The following BCAS3 variants were observed in gnomAD, a reference collection of about 807,000 sequenced individuals.
BCAS3 encodes BCAS3 microtubule associated cell migration factor.
Under a neutral mutation model 116.1 loss-of-function variants are expected in BCAS3, and 53 were observed. That is an observed-to-expected ratio of 0.46 (90% CI 0.37 to 0.57). The LOEUF (loss-of-function observed/expected upper bound fraction) is 0.57, where lower values mean the gene tolerates loss of function less well. Among genes scored for constraint, BCAS3 ranks in the 20% least tolerant of loss-of-function variants. The pLI is 0.00. For missense variants in BCAS3, 917 were observed against 1,165.4 expected (o/e 0.79, Z 3.10); for synonymous variants, 391 against 408.2 (o/e 0.96, Z 0.51).
chr17:61,119,642 A>T (rs1038187306), intron 22 of BCAS3, among the ~76,000 whole-genome samples: 1 of 152,048 alleles, frequency 6.6e-6, no homozygotes, highest in Admixed American at 6.6e-5. Flanking sequence ...TAAAACCATT[A>T]TACAATTACT....
chr17:60,816,693 T>A (rs1488733095), intron 7 of BCAS3, among the ~76,000 whole-genome samples: 1 of 152,152 alleles, frequency 6.6e-6, no homozygotes, highest in East Asian at 1.9e-4. Context: ...ACATTTTATT[T>A]GAGAATGTAC....
chr17:61,022,664 T>A (rs2065961116), intron 16 of BCAS3, among the ~76,000 whole-genome samples: 1 of 152,206 alleles, frequency 6.6e-6, no homozygotes, highest in African/African-American at 2.4e-5. Flanking sequence ...AATGTTTTTT[T>A]CCTAATGAAA....
intron 22 of BCAS3, among the ~76,000 whole-genome samples, chr17:61,351,948 G>C (rs979219255): frequency 3.3e-5 from 5 of 152,208 alleles, no homozygotes; most frequent in Non-Finnish European, 7.3e-5. Context: ...TTTAGAGGGA[G>C]GCCTGGAAAG....
At position 61,180,672 on chromosome 17, in the gene BCAS3, C is replaced by A. The variant is rs141106012; in HGVS notation, c.2425+96108C>A. ...GCTACCTGTCTGAGGAGCATCAGTC[C>A]CATGCTTCGTGTCTGCACAGTGGAA... On this transcript the variant is annotated intron_variant, in intron 22 of 23. Transcript: ENST00000407086. This position sits in a 1 kb window ranked among gnomAD's most constrained non-coding sequence, Gnocchi z 6.0. Among the ~76,000 whole-genome samples, 58 of 152,304 alleles carry A rather than the reference C, an allele frequency of 3.8e-4. No individual in the cohort carries two copies. Among genetic ancestry groups the A allele is most frequent in the African/African-American group, 1.3e-3 (55 of 41,558 alleles).
chr17:61,266,627 C>T (rs1322286909), intron 22 of BCAS3, among the ~76,000 whole-genome samples: 1 of 152,182 alleles, frequency 6.6e-6, no homozygotes, highest in Non-Finnish European at 1.5e-5. Flanking sequence ...GCTGACCTTA[C>T]ATGTAGGTAC....
chr17:60,884,028 T>C (rs2056417043), intron 9 of BCAS3, among the ~76,000 whole-genome samples: 2 of 63,366 alleles, frequency 3.2e-5, no homozygotes, highest in East Asian at 5.2e-4. Context: ...GTACCAGTTC[T>C]TCCTTGTACC....
chr17:60,761,462 T>A (rs2043523690), intron 6 of BCAS3, among the ~76,000 whole-genome samples: 1 of 151,882 alleles, frequency 6.6e-6, no homozygotes, highest in Non-Finnish European at 1.5e-5. Flanking sequence ...CAGTGTTTGG[T>A]TTTCTGTCCT....
rs1439303487 is a variant in BCAS3, at chr17:61,364,703, G to A, written c.2426-3624G>A. 6.6e-6 allele frequency among the ~76,000 whole-genome samples: 1 copy of A among 152,088 alleles called. No homozygotes were observed. The highest frequency in any genetic ancestry group is 1.5e-5 in the Non-Finnish European group (1 of 68,026). On this transcript the variant is annotated intron_variant, in intron 22 of 23. Coordinates refer to ENST00000407086, the MANE Select transcript of BCAS3 (RefSeq NM_017679.5). This position sits in a 1 kb window ranked among gnomAD's most constrained non-coding sequence, Gnocchi z 5.4. The stretch of plus-strand genomic sequence containing the variant: ...GGTCTGGGCAAAAGAGTGAGACCCC[G>A]TCTCAAAACAAAACAAAACAAAACA...
In BCAS3 at chr17:61,307,775, A is replaced by T. The variant is rs1161052845; in HGVS notation, c.2426-60552A>T. On this transcript the variant is annotated intron_variant, in intron 22 of 23. Coordinates refer to ENST00000407086, the MANE Select transcript of BCAS3 (RefSeq NM_017679.5). This position sits in a 1 kb window ranked among gnomAD's most constrained non-coding sequence, Gnocchi z 4.7. Reference sequence around the variant, plus strand: ...TTCAAGAAATAATCAAGTTAAGTGTATTTAATTCATACTTTTAATTCATTT... The same window carrying T: ...TTCAAGAAATAATCAAGTTAAGTGTTTTTAATTCATACTTTTAATTCATTT... Among the ~76,000 whole-genome samples, 1 of 152,202 alleles carries T rather than the reference A, an allele frequency of 6.6e-6. No homozygotes were observed. Among genetic ancestry groups the T allele is most frequent in the East Asian group, 1.9e-4 (1 of 5,202 alleles).
chr17:60,719,452 C>T (rs536340081), intron 5 of BCAS3, among the ~76,000 whole-genome samples: 13 of 152,268 alleles, frequency 8.5e-5, no homozygotes, highest in Admixed American at 2.6e-4. Flanking sequence ...ATCAAGACAT[C>T]CAGTTGGAGA....
intron 23 of BCAS3, chr17:61,382,702 G>A (rs780742472): frequency 1.3e-5 from 2 of 151,880 alleles, no homozygotes; most frequent in African/African-American, 2.4e-5. Flanking sequence ...CTCTCATAAA[G>A]CCTGTACCAC....
intron 22 of BCAS3, among the ~76,000 whole-genome samples, chr17:61,183,423 T>C (rs1348704883): frequency 6.6e-6 from 1 of 151,950 alleles, no homozygotes; most frequent in African/African-American, 2.4e-5. Context: ...CAATGTAATA[T>C]ATTTTTAATT....
At position 61,348,734 on chromosome 17, in the gene BCAS3, C is replaced by T. The variant is rs1258527563; in HGVS notation, c.2426-19593C>T. Among the ~76,000 whole-genome samples the T allele has an allele frequency of 6.7e-6, 1 of 149,684 alleles. No homozygotes were observed. Among genetic ancestry groups the T allele is most frequent in the Non-Finnish European group, 1.5e-5 (1 of 67,662 alleles). ...TGGGAGGACAGTCACGTGCTTCTTG[C>T]AACCTCTTGGGCAGAGATTCTTTTT... On this transcript the variant is annotated intron_variant, in intron 22 of 23. Transcript: ENST00000407086. This position sits in a 1 kb window ranked among gnomAD's most constrained non-coding sequence, Gnocchi z 4.5.
At chr17:61,060,292 A>G (rs1407192232) in intron 19 of BCAS3, among the ~76,000 whole-genome samples, 1 of 149,508 alleles carries the variant, frequency 6.7e-6, no homozygotes, top group Non-Finnish European at 1.5e-5. Flanking sequence ...ACACCCGGCT[A>G]ATTTTTTTTT....
In BCAS3 at chr17:61,071,702, A is replaced by T. The variant is rs149416937; in HGVS notation, c.2030-3218A>T. Among the ~76,000 whole-genome samples the T allele has an allele frequency of 9.7e-4, 148 of 152,330 alleles. 7 individuals carry two copies. In the South Asian group the frequency reaches 0.03, roughly 31 times the overall value. On this transcript the variant is annotated intron_variant, in intron 19 of 23. Transcript: ENST00000407086. ...ATCCAATACTAAATATAATAGGAAG[A>T]CCAACAGATTTTAATAAATATATTA...
At position 61,156,123 on chromosome 17, in the gene BCAS3, C is replaced by T. The variant is rs985865422; in HGVS notation, c.2425+71559C>T. Among the ~76,000 whole-genome samples, 5 of 150,610 alleles carry T rather than the reference C, an allele frequency of 3.3e-5. No individual in the cohort carries two copies. The highest frequency in any genetic ancestry group is 7.4e-5 in the African/African-American group (3 of 40,798). ...CAGCAAATAATTTACTCGGTATGCA[C>T]CACAAACAAACGCAGAGAGACAGAG... On this transcript the variant is annotated intron_variant, in intron 22 of 23. Coordinates refer to ENST00000407086, the MANE Select transcript of BCAS3 (RefSeq NM_017679.5). This position sits in a 1 kb window ranked among gnomAD's most constrained non-coding sequence, Gnocchi z 4.7.
At chr17:60,799,737 G>C (rs1240537311) in intron 6 of BCAS3, among the ~76,000 whole-genome samples, 1 of 36,068 alleles carries the variant, frequency 2.8e-5, no homozygotes. Flanking sequence ...TTTTTTTTTA[G>C]TAGAACTGGG....
chr17:61,026,992 T>C lies in BCAS3; in HGVS notation c.1638-7674T>C. Reference sequence around the variant, plus strand: ...ATTTGTTTTGTAGTTTTGTTTCCAGTTGCATGGCCTGATCACAGATAGATG... The same window carrying C: ...ATTTGTTTTGTAGTTTTGTTTCCAGCTGCATGGCCTGATCACAGATAGATG... On this transcript the variant is annotated intron_variant, in intron 16 of 23. Transcript: ENST00000407086. The surrounding 1 kb of genome is among the most constrained non-coding windows in gnomAD (Gnocchi z 5.0). The C allele has an allele frequency of 3.2e-6, 4 of 1,266,218 alleles. No individual in the cohort carries two copies. Among genetic ancestry groups the C allele is most frequent in the Non-Finnish European group, 4.5e-6 (4 of 888,998 alleles). 78.4% of individuals were successfully genotyped at this position (1,266,218 alleles called of 1,614,324 possible).
At position 60,924,454 on chromosome 17, in the gene BCAS3, C is replaced by T. The variant is rs1459687734; in HGVS notation, c.1041C>T (p.Phe347=). The T allele has an allele frequency of 1.9e-6, 3 of 1,613,096 alleles. No homozygotes were observed. The highest frequency in any genetic ancestry group is 2.5e-6 in the Non-Finnish European group (3 of 1,179,756). Residue 347 remains phenylalanine, a synonymous_variant, in exon 13 of 24, where the codon TTC becomes TTT. Transcript: ENST00000407086. ...DSDSDGIVAH[F]PAHEKPVCCM... is the part of the protein sequence containing the mutation. ...ACAGTGATGGCATTGTGGCCCACTT[C>T]CCTGCCCATGAGAAGCCAGTGTGCT...
Sources: allele counts gnomAD v4.1 joint callset (sites outside exome capture counted in the v4.1 genomes callset), GRCh38; gene constraint gnomAD v4.1.1; non-coding constraint Gnocchi (gnomAD v3.1); transcripts MANE v1.5; gene names NCBI Gene and HGNC (gene_info 2026-07-23, HGNC 2026-07-21).